Variants in SUZ12 observed in about 807,000 individuals in gnomAD.
SUZ12 encodes the protein SUZ12 polycomb repressive complex 2 subunit, also known as polycomb protein SUZ12.
SUZ12 carries 17 observed loss-of-function variants against 87.3 expected under a neutral mutation model. The ratio of observed to expected loss-of-function variants is 0.19; its 90% CI spans 0.13 to 0.29. The LOEUF (loss-of-function observed/expected upper bound fraction) is 0.29. Ranked by LOEUF, SUZ12 falls within the 10% of genes least tolerant of loss-of-function variation. The pLI is 1.00. For missense variants in SUZ12, 526 were observed against 912.2 expected (o/e 0.58, Z 5.45); for synonymous variants, 253 against 312.4 (o/e 0.81, Z 2.01).
rs564797074 is a variant in SUZ12, at chr17:31,938,180, C to T, written c.274+660C>T. ...TTGCGTCAATTTCTGTTTCTAAGTTCTGTCTGGAAGGTGAAACTGACTTAT... is the reference window on the plus strand; with the variant it reads ...TTGCGTCAATTTCTGTTTCTAAGTTTTGTCTGGAAGGTGAAACTGACTTAT... On this transcript the variant is annotated intron_variant, in intron 1 of 15. Coordinates refer to ENST00000322652, the MANE Select transcript of SUZ12 (RefSeq NM_015355.4). Among the ~76,000 whole-genome samples the T allele has an allele frequency of 2.0e-5, 3 of 152,294 alleles. No individual in the cohort carries two copies. In the East Asian group the frequency reaches 5.8e-4, roughly 29 times the overall value.
chr17:31,984,809 T>C (rs1909315262), intron 9 of SUZ12, among the ~76,000 whole-genome samples: 1 of 152,232 alleles, frequency 6.6e-6, no homozygotes, highest in Admixed American at 6.5e-5. Context: ...TGACAGTTTC[T>C]AGTGTTTTAG....
chr17:31,992,938 AT>A (rs1166592101), intron 10 of SUZ12, among the ~76,000 whole-genome samples: 1 of 143,636 alleles, frequency 7.0e-6, no homozygotes, highest in Non-Finnish European at 1.5e-5. Context: ...AACTCCTGAC[AT>A]CGTAATCCTC....
chr17:31,970,590 T>G (rs1047898540), intron 5 of SUZ12, among the ~76,000 whole-genome samples: 5 of 151,838 alleles, frequency 3.3e-5, no homozygotes, highest in African/African-American at 1.2e-4. Flanking sequence ...ATTGTGCCAC[T>G]GCATTCCAGC....
intron 3 of SUZ12, among the ~76,000 whole-genome samples, chr17:31,940,873 G>C (rs1310504159): frequency 6.6e-6 from 1 of 151,856 alleles, no homozygotes; most frequent in Non-Finnish European, 1.5e-5. Context: ...AGCTGGGCGT[G>C]GTGGTGTGTG....
chr17:31,977,682 A>G (rs1908842004), intron 8 of SUZ12, among the ~76,000 whole-genome samples: 1 of 152,094 alleles, frequency 6.6e-6, no homozygotes, highest in African/African-American at 2.4e-5. Flanking sequence ...CGAGGTCAGG[A>G]GTTCGAGACC....
intron 4 of SUZ12, among the ~76,000 whole-genome samples, chr17:31,951,288 T>C (rs1395358231): frequency 2.0e-5 from 3 of 152,322 alleles, no homozygotes; most frequent in Non-Finnish European, 4.4e-5. Flanking sequence ...TTCAGTCAAA[T>C]AAATGCCTGA....
At chr17:31,993,826 T>C (rs1909840857) in intron 11 of SUZ12, 39 bp from the exon 12 acceptor site, 1 of 1,565,352 alleles carries the variant, frequency 6.4e-7, no homozygotes, top group Admixed American at 2.0e-5. Context: ...TTGTTATGCG[T>C]AAATTGGAGA....
At chr17:31,988,581 G>T in intron 10 of SUZ12, 84 bp downstream of exon 10, 2 of 1,323,318 alleles carry the variant, frequency 1.5e-6, no homozygotes, top group East Asian at 2.7e-5. Context: ...TTTGTGTTTT[G>T]CTTTATGTGA....
At chr17:31,981,141 A>G (rs540944961) in intron 8 of SUZ12, among the ~76,000 whole-genome samples, 1 of 152,356 alleles carries the variant, frequency 6.6e-6, no homozygotes, top group East Asian at 1.9e-4. Context: ...TTCTTCAGAA[A>G]ACAAAAAAGC....
intron 5 of SUZ12, among the ~76,000 whole-genome samples, chr17:31,969,199 C>T (rs1365310070): frequency 1.3e-5 from 2 of 152,052 alleles, no homozygotes; most frequent in African/African-American, 4.8e-5. Context: ...GGCTGGAGTG[C>T]AATGGCGCAA....
At chr17:31,947,593 A>G in intron 3 of SUZ12, 24 bp from the exon 4 acceptor site, 1 of 1,595,602 alleles carries the variant, frequency 6.3e-7, no homozygotes, top group Non-Finnish European at 8.6e-7. Context: ...AGAAGTGATT[A>G]TTTTGTTTAT....
At chr17:31,983,494 C>G (rs901844590) in intron 9 of SUZ12, among the ~76,000 whole-genome samples, 2 of 151,936 alleles carry the variant, frequency 1.3e-5, no homozygotes, top group Non-Finnish European at 2.9e-5. Flanking sequence ...GTTGGCCAGG[C>G]TAGTCTGGAA....
chr17:31,940,461 C>G lies in SUZ12; in HGVS notation c.361C>G (p.Arg121Gly), dbSNP rs750383066. Residue 121 changes from arginine (R) to glycine (G), a missense_variant, in exon 3 of 16, where the codon CGA (arginine) becomes GGA (glycine). Transcript: ENST00000322652. ...CAGAACTCTTACTTACATGTCTCAT[C>G]GAAACTCCAGAACAAACATCAAAAG... ...LHRTLTYMSH[R>G]NSRTNIKRKT... The G allele has an allele frequency of 1.3e-6, 2 of 1,589,374 alleles. No individual in the cohort carries two copies. Among genetic ancestry groups the G allele is most frequent in the African/African-American group, 1.4e-5 (1 of 73,562 alleles).
intron 8 of SUZ12, among the ~76,000 whole-genome samples, chr17:31,978,517 T>TA (rs1908888022): frequency 6.6e-6 from 1 of 152,106 alleles, no homozygotes; most frequent in South Asian, 2.1e-4. Flanking sequence ...AGTGTCTTTT[T>TA]AAAGTCAGAA....
At position 31,999,743 on chromosome 17, in the gene SUZ12, TG is replaced by T. The variant is rs772029372; in HGVS notation, c.*741del. On this transcript the variant is annotated 3_prime_UTR_variant, in exon 16 of 16. Transcript: ENST00000322652. ...ATTTTAGTGCATTGCTCACCCGGTA[TG>T]TTTTTTTTTTTTAACTTGAACATTT... is the stretch of plus-strand genomic sequence containing the variant. The T allele has an allele frequency of 1.1e-4, 25 of 231,656 alleles. No homozygotes were observed. The highest frequency in any genetic ancestry group is 1.8e-4 in the South Asian group (1 of 5,508). 14.4% of individuals were successfully genotyped at this position (231,656 alleles called of 1,614,324 possible). A position where few individuals can be genotyped will look rare whatever the true frequency, so the allele number is the denominator to read the frequency against.
intron 8 of SUZ12, among the ~76,000 whole-genome samples, chr17:31,977,594 T>TA (rs869172455): frequency 1.3e-5 from 2 of 151,666 alleles, no homozygotes; most frequent in African/African-American, 2.4e-5. Context: ...CCATCTTTTT[T>TA]AAAAAAAGAA....
chr17:31,942,483 C>A (rs1331276804), intron 3 of SUZ12, among the ~76,000 whole-genome samples: 1 of 151,958 alleles, frequency 6.6e-6, no homozygotes, highest in Non-Finnish European at 1.5e-5. Flanking sequence ...TTACAGGTGC[C>A]CACCACCACG....
intron 1 of SUZ12, among the ~76,000 whole-genome samples, chr17:31,938,759 A>G (rs574731131): frequency 2.6e-5 from 4 of 152,318 alleles, no homozygotes; most frequent in African/African-American, 9.6e-5. Context: ...AATAAAACCA[A>G]TTGAAGATTT....
At chr17:31,972,825 G>A (rs2142173685) in intron 5 of SUZ12, among the ~76,000 whole-genome samples, 2 of 150,340 alleles carry the variant, frequency 1.3e-5, no homozygotes, top group East Asian at 3.9e-4. Flanking sequence ...CCAGGAGCTT[G>A]TGATTGCAGT....
Sources: gnomAD v4.1 joint callset for allele counts (sites outside exome capture counted in the v4.1 genomes callset) on GRCh38, gnomAD v4.1.1 for gene constraint, MANE v1.5 for transcripts, NCBI Gene and HGNC (gene_info 2026-07-23, HGNC 2026-07-21) for gene names.